The following EPHA6 variants were observed in gnomAD, a reference collection of about 807,000 sequenced individuals.
EPHA6 encodes ephrin type-A receptor 6.
Under a neutral mutation model 112.0 loss-of-function variants are expected in EPHA6, and 50 were observed. The ratio of observed to expected loss-of-function variants is 0.45; its 90% CI spans 0.36 to 0.56. The LOEUF (loss-of-function observed/expected upper bound fraction) is 0.56, where lower values mean the gene tolerates loss of function less well. Among genes scored for constraint, EPHA6 ranks in the 20% least tolerant of loss-of-function variants. The pLI, the probability that EPHA6 is intolerant of heterozygous loss-of-function variation, is 0.00. For missense variants in EPHA6, 1,280 were observed against 1,417.4 expected (o/e 0.90, Z 1.56); for synonymous variants, 529 against 490.7 (o/e 1.08, Z -1.03).
chr3:97,072,197 G>C (rs780243632), intron 3 of EPHA6, among the ~76,000 whole-genome samples: 5 of 152,064 alleles, frequency 3.3e-5, no homozygotes, highest in South Asian at 2.1e-4. Context: ...ATGGGATAGC[G>C]TTCTATCCAT....
chr3:97,474,647 T>A (rs541258458), intron 7 of EPHA6, among the ~76,000 whole-genome samples: 1 of 152,016 alleles, frequency 6.6e-6, no homozygotes, highest in East Asian at 1.9e-4. Flanking sequence ...TTAAATGATA[T>A]ATGTTAAAAG....
chr3:97,090,647 G>A (rs1318347875), intron 3 of EPHA6, among the ~76,000 whole-genome samples: 4 of 152,058 alleles, frequency 2.6e-5, no homozygotes, highest in Non-Finnish European at 4.4e-5. Context: ...CCTATTTACA[G>A]TGTTCTTTTT....
chr3:97,406,316 T>C (rs557194800), intron 6 of EPHA6, among the ~76,000 whole-genome samples: 1 of 152,246 alleles, frequency 6.6e-6, no homozygotes, highest in Middle Eastern at 3.4e-3. Context: ...AAGTCTGAGA[T>C]CGAGGACCCA....
rs140688321 is a variant in EPHA6 at position 96,862,534 on chromosome 3, C to T, written c.386-4291C>T. On this transcript the variant is annotated intron_variant, in intron 1 of 17. Transcript: ENST00000389672. Reference sequence around the variant, plus strand: ...ATGACATTGACTTAAATTTTTACAACAAAATTATCCTAAAAGAATAGCTAC... The same window carrying T: ...ATGACATTGACTTAAATTTTTACAATAAAATTATCCTAAAAGAATAGCTAC... Among the ~76,000 whole-genome samples the T allele has an allele frequency of 6.0e-3, 912 of 151,926 alleles. 14 individuals are homozygous for T. Among genetic ancestry groups the T allele is most frequent in the African/African-American group, 0.02 (837 of 41,520 alleles).
At chr3:97,072,202 A>G (rs1024869561) in intron 3 of EPHA6, among the ~76,000 whole-genome samples, 2 of 152,172 alleles carry the variant, frequency 1.3e-5, no homozygotes, top group African/African-American at 4.8e-5. Flanking sequence ...ATAGCGTTCT[A>G]TCCATAAAAA....
chr3:97,179,717 G>GTCTC (rs71113852), intron 3 of EPHA6, among the ~76,000 whole-genome samples: 8,022 of 119,016 alleles, frequency 0.067, 403 homozygotes, highest in African/African-American at 0.12. Flanking sequence ...AACCTACAGA[G>GTCTC]TCTCTCTCTC....
At chr3:96,948,184 A>C (rs977889226) in intron 2 of EPHA6, among the ~76,000 whole-genome samples, 5 of 152,150 alleles carry the variant, frequency 3.3e-5, no homozygotes, top group African/African-American at 1.2e-4. Flanking sequence ...TCTTTGCAAG[A>C]CTCTTAAAAT....
At chr3:97,306,494 G>A (rs1016386923) in intron 5 of EPHA6, among the ~76,000 whole-genome samples, 2 of 151,546 alleles carry the variant, frequency 1.3e-5, no homozygotes, top group Non-Finnish European at 2.9e-5. Context: ...GCAGTCAGTG[G>A]TCTCTAACAC....
intron 10 of EPHA6, among the ~76,000 whole-genome samples, chr3:97,522,726 T>G (rs951869145): frequency 4.6e-5 from 7 of 152,120 alleles, no homozygotes; most frequent in African/African-American, 1.2e-4. Context: ...TTATTCTTGG[T>G]CTGTTCAAAT....
chr3:97,488,364 A>G (rs2091751150), intron 10 of EPHA6, among the ~76,000 whole-genome samples: 1 of 152,172 alleles, frequency 6.6e-6, no homozygotes, highest in African/African-American at 2.4e-5. Context: ...AAGGACAACA[A>G]GAAGGATATA....
chr3:97,178,406 C>G (rs904715915), intron 3 of EPHA6, among the ~76,000 whole-genome samples: 1 of 152,010 alleles, frequency 6.6e-6, no homozygotes, highest in Non-Finnish European at 1.5e-5. Flanking sequence ...AGTGTTATAA[C>G]ATTCTTTGTT....
chr3:97,749,933 C>A lies in EPHA6; in HGVS notation c.*1232C>A, dbSNP rs1009191244. 4.6e-5 allele frequency among the ~76,000 whole-genome samples: 7 copies of A among 152,232 alleles called. No homozygotes were observed. The highest frequency in any genetic ancestry group is 1.0e-4 in the Non-Finnish European group (7 of 68,000). ...CTTACACATGAGCATAGTGTGTCAA[C>A]CTGGGTCCAACGTACAGTTACATAA... On this transcript the variant is annotated 3_prime_UTR_variant, in exon 18 of 18. Transcript: ENST00000389672.
At chr3:97,053,423 G>A (rs942026035) in intron 3 of EPHA6, among the ~76,000 whole-genome samples, 8 of 152,046 alleles carry the variant, frequency 5.3e-5, no homozygotes, top group African/African-American at 1.4e-4. Context: ...AAGAATTAAA[G>A]GAAAGTATAG....
intron 2 of EPHA6, among the ~76,000 whole-genome samples, chr3:96,968,832 T>G (rs573692016): frequency 6.6e-6 from 1 of 152,058 alleles, no homozygotes; most frequent in Non-Finnish European, 1.5e-5. Flanking sequence ...TTTTTCTTTC[T>G]TTTCCTTAAG....
intron 15 of EPHA6, among the ~76,000 whole-genome samples, chr3:97,720,685 G>A (rs2034487968): frequency 6.6e-6 from 1 of 152,154 alleles, no homozygotes; most frequent in Non-Finnish European, 1.5e-5. Context: ...CTGTGTTTGT[G>A]CAATAGCCTT....
intron 12 of EPHA6, among the ~76,000 whole-genome samples, chr3:97,609,503 G>A (rs2093702482): frequency 6.6e-6 from 1 of 151,298 alleles, no homozygotes; most frequent in Non-Finnish European, 1.5e-5. Context: ...ATGACTTTGA[G>A]GAACATTATA....
At chr3:97,114,988 T>C (rs771829262) in intron 3 of EPHA6, among the ~76,000 whole-genome samples, 11 of 151,970 alleles carry the variant, frequency 7.2e-5, no homozygotes, top group Admixed American at 1.3e-4. Flanking sequence ...AGATCCTAGA[T>C]AGACAAGCCT....
At chr3:97,639,762 C>G (rs913732402) in intron 14 of EPHA6, among the ~76,000 whole-genome samples, 3 of 152,090 alleles carry the variant, frequency 2.0e-5, no homozygotes, top group Non-Finnish European at 4.4e-5. Flanking sequence ...TTATGTGATT[C>G]TAAAGACTAA....
intron 2 of EPHA6, among the ~76,000 whole-genome samples, chr3:96,942,999 CATT>C: frequency 6.6e-6 from 1 of 152,226 alleles, no homozygotes; most frequent in Middle Eastern, 3.4e-3. Flanking sequence ...ACCAGTCTCT[CATT>C]ATCCACCACC....
Sources: gnomAD v4.1 joint callset for allele counts (sites outside exome capture counted in the v4.1 genomes callset) on GRCh38, gnomAD v4.1.1 for gene constraint, MANE v1.5 for transcripts, NCBI Gene and HGNC (gene_info 2026-07-23, HGNC 2026-07-21) for gene names.